CCL28: variants seen among roughly 807,000 people sequenced by gnomAD.
The protein encoded by CCL28 is C-C motif chemokine ligand 28.
A neutral mutation model predicts 7.1 loss-of-function variants in CCL28; 4 were observed. The ratio of observed to expected loss-of-function variants is 0.56; its 90% CI spans 0.28 to 1.29. The LOEUF (loss-of-function observed/expected upper bound fraction) is 1.29, where lower values mean the gene tolerates loss of function less well. CCL28 is among the 50% of genes most tolerant of loss of function. The pLI is 0.11. For synonymous variants in CCL28, 55 were observed against 57.8 expected, an observed-to-expected ratio of 0.95 and a Z score of 0.22; for missense variants, 151 against 163.4, an observed-to-expected ratio of 0.92 and a Z score of 0.41.
intron 1 of CCL28, among the ~76,000 whole-genome samples, chr5:43,393,759 G>C (rs759927507): frequency 3.2e-4 from 49 of 152,170 alleles, no homozygotes; most frequent in Non-Finnish European, 5.6e-4. Flanking sequence ...CCACTCTTCA[G>C]TTTTTGTAAT....
At chr5:43,377,720 T>TTTTTTTG (rs1739939186), downstream of CCL28, among the ~76,000 whole-genome samples, 1 of 63,298 alleles carries the variant, frequency 1.6e-5, no homozygotes, top group Non-Finnish European at 3.1e-5. Context: ...ACTTAAACTT[T>TTTTTTTG]TTTTTTTTTT....
the CCL28 span, among the ~76,000 whole-genome samples, chr5:43,365,661 T>C: frequency 2.0e-5 from 3 of 152,196 alleles, no homozygotes; most frequent in Non-Finnish European, 4.4e-5. Context: ...TTGAAGAGTA[T>C]CTTTCTGGTG....
the CCL28 span, among the ~76,000 whole-genome samples, chr5:43,369,271 C>A: frequency 6.6e-6 from 1 of 152,156 alleles, no homozygotes; most frequent in South Asian, 2.1e-4. Context: ...AGATTCCCCA[C>A]CAGGCTCATT....
At chr5:43,360,499 C>CTT in the CCL28 span, among the ~76,000 whole-genome samples, 1 of 152,146 alleles carries the variant, frequency 6.6e-6, no homozygotes, top group African/African-American at 2.4e-5. Context: ...TTAGCTCCCA[C>CTT]TTATACGTGA....
intron 2 of CCL28, among the ~76,000 whole-genome samples, chr5:43,383,309 T>C (rs1740197724): frequency 6.6e-6 from 1 of 152,136 alleles, no homozygotes; most frequent in African/African-American, 2.4e-5. Context: ...TATTTCCGTA[T>C]CCAGATAAAT....
At chr5:43,360,285 T>G in the CCL28 span, among the ~76,000 whole-genome samples, 1 of 152,178 alleles carries the variant, frequency 6.6e-6, no homozygotes, top group African/African-American at 2.4e-5. Flanking sequence ...CATGATTTTT[T>G]GGGGACTTTT....
At chr5:43,368,363 C>G in the CCL28 span, among the ~76,000 whole-genome samples, 1 of 152,180 alleles carries the variant, frequency 6.6e-6, no homozygotes, top group Non-Finnish European at 1.5e-5. Context: ...AAAACAACAA[C>G]AGTTTTGGCT....
intron 1 of CCL28, among the ~76,000 whole-genome samples, chr5:43,390,559 C>T (rs1280813268): frequency 1.3e-5 from 2 of 152,200 alleles, no homozygotes; most frequent in African/African-American, 2.4e-5. Flanking sequence ...TCAGCAGATG[C>T]GTTTCCCAGC....
intron 1 of CCL28, among the ~76,000 whole-genome samples, chr5:43,401,989 A>C (rs533188397): frequency 2.0e-5 from 3 of 152,176 alleles, no homozygotes; most frequent in African/African-American, 7.2e-5. Context: ...GCTTCAGTGC[A>C]TGGCAACTAG....
chr5:43,368,317 C>A, the CCL28 span, among the ~76,000 whole-genome samples: 4 of 152,124 alleles, frequency 2.6e-5, no homozygotes, highest in Admixed American at 1.3e-4. Context: ...TGCTAGTTGC[C>A]CGCAATATCC....
chr5:43,376,002 TC>T (rs1237877150), downstream of CCL28, among the ~76,000 whole-genome samples: 15 of 152,218 alleles, frequency 9.9e-5, no homozygotes, highest in East Asian at 3.8e-4. Flanking sequence ...GCCATTGCAC[TC>T]CAGCCTGGGC....
chr5:43,375,226 T>C (rs1739862283), downstream of CCL28, among the ~76,000 whole-genome samples: 4 of 151,556 alleles, frequency 2.6e-5, no homozygotes, highest in Admixed American at 2.6e-4. Context: ...CCTGACCTCG[T>C]GATCCACCCA....
chr5:43,386,842 CA>C (rs1430331499), intron 2 of CCL28, among the ~76,000 whole-genome samples: 1 of 152,150 alleles, frequency 6.6e-6, no homozygotes. Flanking sequence ...GAGATCATCT[CA>C]AATCATTAAG....
At chr5:43,411,216 A>G (rs1741524672) in intron 1 of CCL28, among the ~76,000 whole-genome samples, 1 of 152,212 alleles carries the variant, frequency 6.6e-6, no homozygotes, top group African/African-American at 2.4e-5. Flanking sequence ...TAAAAAGCAG[A>G]CCAAAGACTT....
downstream of CCL28, among the ~76,000 whole-genome samples, chr5:43,378,050 A>G (rs1387253575): frequency 6.6e-6 from 1 of 152,096 alleles, no homozygotes; most frequent in East Asian, 1.9e-4. Context: ...AACTTTTTAA[A>G]GGATTAAGAA....
intron 1 of CCL28, among the ~76,000 whole-genome samples, chr5:43,393,984 C>T (rs1344316228): frequency 1.3e-5 from 2 of 152,168 alleles, no homozygotes; most frequent in African/African-American, 4.8e-5. Flanking sequence ...TGCTGCCGTA[C>T]ATGCTTGTAA....
chr5:43,399,890 G>T (rs1740962023), intron 1 of CCL28, among the ~76,000 whole-genome samples: 1 of 150,242 alleles, frequency 6.7e-6, no homozygotes. Flanking sequence ...CTGTTGCCCA[G>T]GCTGGAGCGC....
intron 1 of CCL28, among the ~76,000 whole-genome samples, chr5:43,396,505 G>C (rs1023478221): frequency 6.6e-6 from 1 of 152,126 alleles, no homozygotes; most frequent in Non-Finnish European, 1.5e-5. Flanking sequence ...CAGCCTGGGC[G>C]ACAGAGACCT....
At chr5:43,390,385 G>T (rs1009762157) in intron 1 of CCL28, among the ~76,000 whole-genome samples, 1 of 152,196 alleles carries the variant, frequency 6.6e-6, no homozygotes, top group Non-Finnish European at 1.5e-5. Context: ...AAGCAGCGGA[G>T]TCCAGAGGTA....
Sources: gnomAD v4.1 joint callset for allele counts (sites outside exome capture counted in the v4.1 genomes callset) on GRCh38, gnomAD v4.1.1 for gene constraint, MANE v1.5 for transcripts, NCBI Gene and HGNC (gene_info 2026-07-23, HGNC 2026-07-21) for gene names.